The following PHF14 variants were observed in gnomAD, a reference collection of about 807,000 sequenced individuals.
PHF14 encodes the protein PHD finger protein 14.
In PHF14, 55 loss-of-function variants were observed where a neutral mutation model predicts 117.9. That is an observed-to-expected ratio of 0.47 (90% CI 0.38 to 0.58). The LOEUF is 0.58. PHF14 is among the 20% of genes least tolerant of loss of function. The pLI, the probability that PHF14 is intolerant of heterozygous loss-of-function variation, is 0.00. For synonymous variants in PHF14, 409 were observed against 368.6 expected, an observed-to-expected ratio of 1.11 and a Z score of -1.26; for missense variants, 978 against 1,122.2, an observed-to-expected ratio of 0.87 and a Z score of 1.84.
intron 16 of PHF14, chr7:11,110,145 A>G (rs1282429296): frequency 1.3e-5 from 2 of 151,190 alleles, no homozygotes; most frequent in African/African-American, 4.9e-5. Flanking sequence ...CTTAAAGTCA[A>G]TTGTTTTTCT....
Position 11,062,017 on chromosome 7 carries a change from C to G in PHF14, c.2586C>G (p.Pro862=), listed in dbSNP as rs1461943993. ...RQRQSVLQKK[P]KAEDLRTECA... ...GACAGTCTGTGTTGCAAAAGAAGCCCAAGGCTGAAGATTTAAGAACTGAAT... is the reference window on the plus strand; with the variant it reads ...GACAGTCTGTGTTGCAAAAGAAGCCGAAGGCTGAAGATTTAAGAACTGAAT... The change falls in exon 16 of 18, where the codon CCC becomes CCG. Residue 862 remains proline (P), a synonymous_variant. Transcript: ENST00000634607. 1 of 1,605,252 alleles carries G rather than the reference C, an allele frequency of 6.2e-7. No homozygotes were observed. Among genetic ancestry groups the G allele is most frequent in the Non-Finnish European group, 8.5e-7 (1 of 1,175,246 alleles).
At chr7:11,147,018 G>A (rs747389131) in intron 17 of PHF14, among the ~76,000 whole-genome samples, 3 of 151,888 alleles carry the variant, frequency 2.0e-5, no homozygotes, top group Non-Finnish European at 2.9e-5. Context: ...GGCTAATTTT[G>A]TATTTTTTAG....
chr7:11,162,379 G>A (rs1449499984), intron 17 of PHF14, among the ~76,000 whole-genome samples: 1 of 151,942 alleles, frequency 6.6e-6, no homozygotes, highest in Non-Finnish European at 1.5e-5. Flanking sequence ...TGTGAGCCAT[G>A]GCGCCTAGCC....
chr7:11,106,986 CTA>C (rs1353892583), intron 16 of PHF14: 1 of 982,204 alleles, frequency 1.0e-6, no homozygotes. Context: ...TTGTTCAAGT[CTA>C]TGTTATGGAT....
intron 16 of PHF14, among the ~76,000 whole-genome samples, chr7:11,072,178 A>T (rs1785634388): frequency 6.6e-6 from 1 of 152,170 alleles, no homozygotes; most frequent in Admixed American, 6.5e-5. Context: ...GAAACTTCTA[A>T]TCATGGCAGA....
At chr7:11,034,774 C>G (rs1784257400) in intron 7 of PHF14, among the ~76,000 whole-genome samples, 1 of 151,756 alleles carries the variant, frequency 6.6e-6, no homozygotes. Context: ...GTCTCGAACT[C>G]CCAACCTCAA....
chr7:11,099,652 T>C (rs187167915), intron 16 of PHF14, among the ~76,000 whole-genome samples: 5 of 152,244 alleles, frequency 3.3e-5, no homozygotes, highest in Admixed American at 3.3e-4. Context: ...TTGGAAAGAC[T>C]GAGACTCTTA....
At chr7:11,100,925 T>C (rs1417649548) in intron 16 of PHF14, among the ~76,000 whole-genome samples, 1 of 151,970 alleles carries the variant, frequency 6.6e-6, no homozygotes, top group Admixed American at 6.6e-5. Flanking sequence ...ATTCTAACTA[T>C]ATAAGATACA....
chr7:11,107,302 G>A (rs1217577452), intron 16 of PHF14: 13 of 965,910 alleles, frequency 1.3e-5, no homozygotes, highest in Non-Finnish European at 1.5e-5. Flanking sequence ...TTTGTTTAGG[G>A]TGCTATTCTT....
intron 16 of PHF14, among the ~76,000 whole-genome samples, chr7:11,068,349 CAAAA>C (rs10659513): frequency 4.5e-5 from 3 of 66,772 alleles, no homozygotes; most frequent in Admixed American, 2.0e-4. Context: ...GACTCCGTCT[CAAAA>C]AAAAAAAAAA....
intron 5 of PHF14, among the ~76,000 whole-genome samples, chr7:11,014,414 G>T (rs555205694): frequency 6.6e-6 from 1 of 152,140 alleles, no homozygotes; most frequent in East Asian, 1.9e-4. Flanking sequence ...GATTATCCAA[G>T]GAATGACAAA....
At chr7:10,986,232 C>T (rs190150160) in intron 3 of PHF14, among the ~76,000 whole-genome samples, 1 of 151,676 alleles carries the variant, frequency 6.6e-6, no homozygotes, top group African/African-American at 2.4e-5. Flanking sequence ...AGTCCTCCTG[C>T]TTCTGCCTTC....
intron 16 of PHF14, chr7:11,103,993 T>C: frequency 1.0e-6 from 1 of 985,038 alleles, no homozygotes; most frequent in Non-Finnish European, 1.2e-6. Flanking sequence ...TTACTGTTGC[T>C]GAACTCTGGC....
intron 3 of PHF14, among the ~76,000 whole-genome samples, 192 bp downstream of exon 3, chr7:10,983,351 C>T (rs754279486): frequency 4.6e-5 from 7 of 152,060 alleles, no homozygotes; most frequent in African/African-American, 1.4e-4. Context: ...TATTTGTCAC[C>T]GTTCTCAAGG....
chr7:10,978,837 A>G (rs756352556), intron 2 of PHF14, among the ~76,000 whole-genome samples: 15 of 152,164 alleles, frequency 9.9e-5, no homozygotes, highest in Admixed American at 2.0e-4. Context: ...TTTGAGTACC[A>G]CTGGCTCATA....
rs767548273 is a variant in PHF14, at chr7:11,035,772, T to G, written c.1588T>G (p.Ser530Ala). Residue 530 changes from serine (S) to alanine (A), a missense_variant, in exon 8 of 18, where the codon TCA becomes GCA. Coordinates refer to ENST00000634607, the MANE Select transcript of PHF14 (RefSeq NM_001007157.2). ...MSLQEREKQL[S>A]PEAQARINAR... ...TTTGCAAGAGAGAGAGAAGCAACTA[T>G]CACCAGAAGCACAGGTATGGGATTC... 1 of 1,606,562 alleles carries G rather than the reference T, an allele frequency of 6.2e-7. No individual in the cohort carries two copies. The highest frequency in any genetic ancestry group is 8.5e-7 in the Non-Finnish European group (1 of 1,176,234).
intron 4 of PHF14, among the ~76,000 whole-genome samples, chr7:10,991,732 G>GT (rs1219527366): frequency 7.3e-5 from 10 of 136,842 alleles, no homozygotes; most frequent in African/African-American, 1.6e-4. Flanking sequence ...TTTCTTGTTT[G>GT]TTTTTTTTTA....
At chr7:11,072,522 A>G (rs1304004067) in intron 16 of PHF14, among the ~76,000 whole-genome samples, 2 of 152,216 alleles carry the variant, frequency 1.3e-5, no homozygotes, top group Admixed American at 6.5e-5. Context: ...TCTATAAAAT[A>G]GCAATAAACA....
chr7:11,158,162 G>T (rs1788921242), intron 17 of PHF14, among the ~76,000 whole-genome samples: 1 of 151,948 alleles, frequency 6.6e-6, no homozygotes, highest in Non-Finnish European at 1.5e-5. Flanking sequence ...TTCTTTCTCT[G>T]GACCAAGATT....
Sources: gnomAD v4.1 joint callset for allele counts (sites outside exome capture counted in the v4.1 genomes callset) on GRCh38, gnomAD v4.1.1 for gene constraint, MANE v1.5 for transcripts, NCBI Gene and HGNC (gene_info 2026-07-23, HGNC 2026-07-21) for gene names.